The following KIF26B variants were observed in gnomAD, a reference collection of about 807,000 sequenced individuals.
KIF26B encodes the protein kinesin-like protein KIF26B.
A neutral mutation model predicts 151.2 loss-of-function variants in KIF26B; 63 were observed. The ratio of observed to expected loss-of-function variants is 0.42; its 90% confidence interval spans 0.34 to 0.51. KIF26B has a LOEUF of 0.51. KIF26B is among the 20% of genes least tolerant of loss of function. KIF26B has a pLI of 0.07. For synonymous variants in KIF26B, 1,357 were observed against 1,262.1 expected, an observed-to-expected ratio of 1.08 and a Z score of -1.59; for missense variants, 2,813 against 2,913.6, an observed-to-expected ratio of 0.97 and a Z score of 0.79.
intron 10 of KIF26B, among the ~76,000 whole-genome samples, chr1:245,678,591 C>T (rs574545102): frequency 7.9e-5 from 12 of 152,134 alleles, no homozygotes; most frequent in East Asian, 1.9e-4. Flanking sequence ...AGGCCTGGCA[C>T]AGTGGCTCAC....
rs1673247753 is a variant in KIF26B, at chr1:245,375,321, C to T, written c.999+7954C>T. Among the ~76,000 whole-genome samples the T allele has an allele frequency of 6.6e-6, 1 of 152,142 alleles. No homozygotes were observed. Among genetic ancestry groups the T allele is most frequent in the South Asian group, 2.1e-4 (1 of 4,822 alleles). On this transcript the variant is annotated intron_variant, in intron 3 of 14. Coordinates refer to ENST00000407071, the MANE Select transcript of KIF26B (RefSeq NM_018012.4). The surrounding 1 kb of genome is among the most constrained non-coding windows in gnomAD (Gnocchi z 4.2). Reference sequence around the variant, plus strand: ...CAAACTCCTGACCTCAGGTGATCTGCCTGCCTCAGCCTCCCAAAGTGCTGG... The same window carrying T: ...CAAACTCCTGACCTCAGGTGATCTGTCTGCCTCAGCCTCCCAAAGTGCTGG...
intron 4 of KIF26B, among the ~76,000 whole-genome samples, chr1:245,469,353 A>T (rs1176794888): frequency 6.6e-6 from 1 of 152,210 alleles, no homozygotes; most frequent in African/African-American, 2.4e-5. Flanking sequence ...CTCTCATCTC[A>T]ATTAAAATCA....
intron 2 of KIF26B, among the ~76,000 whole-genome samples, chr1:245,333,150 C>A (rs1452532710): frequency 6.6e-6 from 1 of 152,250 alleles, no homozygotes; most frequent in East Asian, 1.9e-4. Context: ...CCCATGTTCA[C>A]AGCACATTAG....
At chr1:245,521,141 T>C (rs1426005543) in intron 4 of KIF26B, among the ~76,000 whole-genome samples, 1 of 152,014 alleles carries the variant, frequency 6.6e-6, no homozygotes, top group Non-Finnish European at 1.5e-5. Flanking sequence ...ATCAAGACCA[T>C]CCTGGCTAAC....
At chr1:245,311,471 T>A (rs750449810) in intron 2 of KIF26B, among the ~76,000 whole-genome samples, 128 of 152,098 alleles carry the variant, frequency 8.4e-4, no homozygotes, top group Admixed American at 1.9e-3. Context: ...GGTATGGTGG[T>A]TTGCTCCTGT....
intron 2 of KIF26B, among the ~76,000 whole-genome samples, chr1:245,338,611 AGT>A (rs1454722507): frequency 2.6e-5 from 4 of 152,248 alleles, no homozygotes; most frequent in African/African-American, 9.6e-5. Context: ...AGCACAACTA[AGT>A]GTGAGCACCA....
intron 10 of KIF26B, among the ~76,000 whole-genome samples, chr1:245,647,728 C>A (rs886685118): frequency 1.3e-5 from 2 of 152,124 alleles, no homozygotes; most frequent in African/African-American, 4.8e-5. Flanking sequence ...AGTTTTTCTT[C>A]CCCTCAGCCC....
At chr1:245,522,988 A>T (rs1295600302) in intron 4 of KIF26B, among the ~76,000 whole-genome samples, 1 of 152,208 alleles carries the variant, frequency 6.6e-6, no homozygotes, top group African/African-American at 2.4e-5. Context: ...CCAGGTGTTT[A>T]CTCTGCGTCA....
At chr1:245,315,441 G>T (rs1285564380) in intron 2 of KIF26B, among the ~76,000 whole-genome samples, 1 of 152,102 alleles carries the variant, frequency 6.6e-6, no homozygotes, top group Middle Eastern at 3.4e-3. Flanking sequence ...AAAAAAAAAG[G>T]CCGGGTGCAG....
chr1:245,395,992 C>T (rs1376624154), intron 3 of KIF26B, among the ~76,000 whole-genome samples: 1 of 152,210 alleles, frequency 6.6e-6, no homozygotes, highest in African/African-American at 2.4e-5. Context: ...ACTGTGGCAG[C>T]CTCTGCTCTC....
At chr1:245,468,189 G>A (rs1317406509) in intron 4 of KIF26B, among the ~76,000 whole-genome samples, 3 of 152,064 alleles carry the variant, frequency 2.0e-5, no homozygotes, top group Non-Finnish European at 4.4e-5. Flanking sequence ...CTTATCCATC[G>A]TAAGACTATT....
intron 14 of KIF26B, among the ~76,000 whole-genome samples, chr1:245,699,921 A>C (rs954271043): frequency 6.6e-6 from 1 of 152,164 alleles, no homozygotes; most frequent in African/African-American, 2.4e-5. Context: ...GGTTGAAAAG[A>C]TATTGGTGTG....
At position 245,699,037 on chromosome 1, in the gene KIF26B, T is replaced by C. The variant is rs1322642123; in HGVS notation, c.6178T>C (p.Phe2060Leu). The change falls in exon 14 of 15, where the codon TTT becomes CTT. Residue 2060 changes from phenylalanine to leucine, a missense_variant and splice_region_variant. This residue lies in a region of KIF26B where 2,060 missense variants were observed against 2,088.6 expected (regional missense o/e 0.99). Coordinates refer to ENST00000407071, the MANE Select transcript of KIF26B (RefSeq NM_018012.4). ...GGATCCCAACAAGTGGCTCAGTGAATGTAAGGCCGGGGTGCCTTCCCACCC... is the reference window on the plus strand; with the variant it reads ...GGATCCCAACAAGTGGCTCAGTGAACGTAAGGCCGGGGTGCCTTCCCACCC... ...MLDPNKWLSE[F>L]DLEQVWELDS... is the part of the protein sequence containing the mutation. 2 of 1,613,196 alleles carry C rather than the reference T, an allele frequency of 1.2e-6. No individual in the cohort carries two copies. The highest frequency in any genetic ancestry group is 1.3e-5 in the African/African-American group (1 of 74,940).
At chr1:245,457,591 C>G (rs138998687) in intron 4 of KIF26B, among the ~76,000 whole-genome samples, 217 of 152,292 alleles carry the variant, frequency 1.4e-3, no homozygotes, top group African/African-American at 4.6e-3. Flanking sequence ...TCTCATCCCC[C>G]TTTCATCTAT....
intron 2 of KIF26B, among the ~76,000 whole-genome samples, chr1:245,231,255 C>T (rs1353375552): frequency 6.6e-6 from 1 of 152,166 alleles, no homozygotes. Flanking sequence ...TGGCTCACAT[C>T]CATAATCCCA....
At chr1:245,172,906 C>T (rs1348266950) in intron 2 of KIF26B, among the ~76,000 whole-genome samples, 2 of 152,184 alleles carry the variant, frequency 1.3e-5, no homozygotes, top group African/African-American at 4.8e-5. Flanking sequence ...TCAGTTTTAA[C>T]AAGTGATGAT....
rs1173485913 is a variant in KIF26B, at chr1:245,685,744, C to T, written c.2761C>T (p.Leu921=). The T allele has an allele frequency of 3.1e-6, 5 of 1,612,722 alleles. No homozygotes were observed. In the Admixed American group the frequency reaches 8.3e-5, roughly 27 times the overall value. Residue 921 remains leucine (L), a synonymous_variant, in exon 12 of 15, where the codon CTG becomes TTG. Coordinates refer to ENST00000407071, the MANE Select transcript of KIF26B (RefSeq NM_018012.4). ...AGCCGGCAAGTCAGAAAGGGACTGC[C>T]TGAAGTGCAACACGTTTGCCGAGCT... ...AAAGKSERDC[L]KCNTFAELQE... is the part of the protein sequence containing the mutation.
Position 245,602,577 on chromosome 1 carries a change from G to A in KIF26B, c.1351G>A (p.Val451Met). ...KVKDTPGLGK[V>M]KVMLRICSTL... Reference sequence around the variant, plus strand: ...GCTGTCGCCCATCTTTTCTTAACAGGTGAAAGTCATGCTTCGCATCTGTTC... The same window carrying A: ...GCTGTCGCCCATCTTTTCTTAACAGATGAAAGTCATGCTTCGCATCTGTTC... Residue 451 changes from valine to methionine, a missense_variant and splice_region_variant, in exon 6 of 15, where the codon GTG becomes ATG. Physicochemically the swap from Val to Met is conservative, Grantham distance 21. Around this residue, in one of 3 missense-constraint regions of KIF26B, gnomAD observed 676 missense variants for 688.1 expected, o/e 0.98. Transcript: ENST00000407071. This position sits in a 1 kb window ranked among gnomAD's most constrained non-coding sequence, Gnocchi z 4.5. 1 of 1,606,532 alleles carries A rather than the reference G, an allele frequency of 6.2e-7. No homozygotes were observed. Among genetic ancestry groups the A allele is most frequent in the Middle Eastern group, 1.7e-4 (1 of 6,054 alleles).
chr1:245,257,946 G>A (rs916591197), intron 2 of KIF26B, among the ~76,000 whole-genome samples: 11 of 152,148 alleles, frequency 7.2e-5, no homozygotes, highest in African/African-American at 2.2e-4. Context: ...TGCTTGAACC[G>A]GGAAGGCGGA....
Sources: allele counts gnomAD v4.1 joint callset (sites outside exome capture counted in the v4.1 genomes callset), GRCh38; gene constraint gnomAD v4.1.1; regional missense constraint gnomAD v4.1.1; non-coding constraint Gnocchi (gnomAD v3.1); transcripts MANE v1.5; gene names NCBI Gene and HGNC (gene_info 2026-07-23, HGNC 2026-07-21).